The following CFAP20DC variants were observed in gnomAD, a reference collection of about 807,000 sequenced individuals.
The protein encoded by CFAP20DC is CFAP20 domain containing.
A neutral mutation model predicts 101.7 loss-of-function variants in CFAP20DC; 84 were observed. The observed-to-expected ratio is 0.83, with a 90% CI of 0.69 to 0.99. CFAP20DC has a LOEUF of 0.99. Ranked by LOEUF, CFAP20DC falls within the 50% of genes least tolerant of loss-of-function variation. The probability of loss-of-function intolerance (pLI) is 0.00; values close to 1 mark genes in which losing one functional copy is unlikely to be tolerated. For synonymous variants in CFAP20DC, 359 were observed against 351.2 expected, an observed-to-expected ratio of 1.02 and a Z score of -0.25; for missense variants, 1,007 against 970.3, an observed-to-expected ratio of 1.04 and a Z score of -0.50.
intron 13 of CFAP20DC, among the ~76,000 whole-genome samples, chr3:58,837,132 C>T (rs2076792633): frequency 6.6e-6 from 1 of 152,128 alleles, no homozygotes; most frequent in Admixed American, 6.5e-5. Context: ...AATACCGTTC[C>T]AAAGCATCAA....
rs919369147 is a variant in CFAP20DC, at chr3:58,795,438, G to A, written c.2237+10957C>T. On this transcript the variant is annotated intron_variant, in intron 15 of 16. Coordinates refer to ENST00000482387, the MANE Select transcript of CFAP20DC (RefSeq NM_001394063.1). This position sits in a 1 kb window ranked among gnomAD's most constrained non-coding sequence, Gnocchi z 4.2. ...GACGGTTGCTTGAGCCCAGGAGTAC[G>A]AGACCAGCTTGGGCAACAGGGCAAG... Among the ~76,000 whole-genome samples the A allele has an allele frequency of 2.0e-5, 3 of 152,236 alleles. No individual in the cohort carries two copies. The highest frequency in any genetic ancestry group is 6.5e-5 in the Admixed American group (1 of 15,298).
At chr3:58,959,301 T>A (rs551981412) in intron 4 of CFAP20DC, among the ~76,000 whole-genome samples, 108 of 152,248 alleles carry the variant, frequency 7.1e-4, no homozygotes, top group Non-Finnish European at 1.2e-3. Flanking sequence ...ACCATGTTGG[T>A]CAGGCTGGTC....
In CFAP20DC at chr3:58,721,514, C is replaced by T. The variant is rs745520958; in HGVS notation, c.198-3886G>A. Among the ~76,000 whole-genome samples the T allele has an allele frequency of 2.0e-5, 3 of 152,030 alleles. No homozygotes were observed. The highest frequency in any genetic ancestry group is 1.9e-4 in the East Asian group (1 of 5,190). On this transcript the variant is annotated intron_variant, in intron 3 of 3. Transcript: ENST00000486145. This position sits in a 1 kb window ranked among gnomAD's most constrained non-coding sequence, Gnocchi z 5.2. ...TATTTAAGCTGAGATCTGAAGGATA[C>T]GGGGGCATTAATACATGCAACAGGG...
intron 4 of CFAP20DC, among the ~76,000 whole-genome samples, chr3:59,019,305 T>C (rs1382127364): frequency 1.3e-5 from 2 of 152,038 alleles, no homozygotes; most frequent in African/African-American, 4.8e-5. Flanking sequence ...GTTGTTTCCT[T>C]TTCTCCTGAG....
intron 4 of CFAP20DC, among the ~76,000 whole-genome samples, chr3:58,966,269 AGAG>A (rs1308109458): frequency 2.0e-5 from 3 of 152,162 alleles, no homozygotes; most frequent in Non-Finnish European, 1.5e-5. Flanking sequence ...TTCTAAGAAC[AGAG>A]GCAGAGAGGA....
intron 4 of CFAP20DC, among the ~76,000 whole-genome samples, chr3:59,004,327 T>C (rs2093382067): frequency 6.6e-6 from 1 of 152,156 alleles, no homozygotes; most frequent in Non-Finnish European, 1.5e-5. Context: ...AAGAGACATA[T>C]TTTTCAACCA....
intron 4 of CFAP20DC, among the ~76,000 whole-genome samples, chr3:59,008,014 C>T (rs1487244688): frequency 1.3e-5 from 2 of 152,154 alleles, no homozygotes; most frequent in Admixed American, 1.3e-4. Context: ...GAGAAAGGGT[C>T]CTTGTTCCCC....
At chr3:58,958,623 A>C (rs1305131639) in intron 4 of CFAP20DC, among the ~76,000 whole-genome samples, 4 of 152,132 alleles carry the variant, frequency 2.6e-5, no homozygotes, top group Non-Finnish European at 5.9e-5. Context: ...CCAACACCTG[A>C]TATTATATTT....
intron 1 of CFAP20DC, among the ~76,000 whole-genome samples, chr3:59,048,382 G>T (rs1252686281): frequency 6.6e-6 from 1 of 152,156 alleles, no homozygotes; most frequent in Non-Finnish European, 1.5e-5. Flanking sequence ...CGTGCAAACT[G>T]TATATGGGAT....
intron 4 of CFAP20DC, among the ~76,000 whole-genome samples, chr3:59,010,224 T>C (rs1258079941): frequency 6.6e-6 from 1 of 152,068 alleles, no homozygotes; most frequent in Non-Finnish European, 1.5e-5. Flanking sequence ...TAACATTGAA[T>C]GTAACTTGCC....
At chr3:58,886,116 A>C (rs2081606103) in intron 6 of CFAP20DC, among the ~76,000 whole-genome samples, 1 of 152,192 alleles carries the variant, frequency 6.6e-6, no homozygotes, top group Non-Finnish European at 1.5e-5. Context: ...TATGTGTACC[A>C]AAGTCTTAAA....
chr3:58,946,449 T>C (rs558212627), intron 4 of CFAP20DC, among the ~76,000 whole-genome samples: 1 of 152,192 alleles, frequency 6.6e-6, no homozygotes, highest in Non-Finnish European at 1.5e-5. Context: ...ATTCTTCATG[T>C]GGACCAGCCA....
chr3:58,847,995 T>C (rs2077843786), intron 13 of CFAP20DC, among the ~76,000 whole-genome samples: 1 of 119,792 alleles, frequency 8.3e-6, no homozygotes, highest in South Asian at 3.4e-4. Context: ...GGAAGGGGAA[T>C]ATCACACTCT....
At chr3:58,877,874 AT>A (rs2080885870) in intron 7 of CFAP20DC, among the ~76,000 whole-genome samples, 3 of 152,196 alleles carry the variant, frequency 2.0e-5, no homozygotes, top group Non-Finnish European at 2.9e-5. Context: ...AATGGGGTTT[AT>A]GAGGAATCCA....
chr3:58,915,372 A>G (rs2084579118), intron 5 of CFAP20DC, among the ~76,000 whole-genome samples: 1 of 152,152 alleles, frequency 6.6e-6, no homozygotes, highest in South Asian at 2.1e-4. Context: ...GTTTCTAGAT[A>G]TCCAATCATA....
chr3:58,922,314 A>T (rs919033284), intron 5 of CFAP20DC, among the ~76,000 whole-genome samples: 1 of 152,146 alleles, frequency 6.6e-6, no homozygotes, highest in Non-Finnish European at 1.5e-5. Flanking sequence ...AACATTTTTT[A>T]GCATTCCGTT....
chr3:58,816,993 A>G (rs1340850305), intron 14 of CFAP20DC, among the ~76,000 whole-genome samples: 1 of 152,190 alleles, frequency 6.6e-6, no homozygotes, highest in Non-Finnish European at 1.5e-5. Flanking sequence ...CTGACCCCCG[A>G]GCAGCCTAAC....
chr3:58,953,432 T>G (rs572309919), intron 4 of CFAP20DC: 1 of 152,304 alleles, frequency 6.6e-6, no homozygotes, highest in South Asian at 2.1e-4. Context: ...CTGGAAGAAT[T>G]TCTAAATGAT....
At chr3:58,813,138 G>A (rs899450831) in intron 14 of CFAP20DC, among the ~76,000 whole-genome samples, 12 of 151,666 alleles carry the variant, frequency 7.9e-5, no homozygotes, top group Admixed American at 2.0e-4. Flanking sequence ...ACAACCTCAA[G>A]TACTGATCAA....
Sources: gnomAD v4.1 joint callset for allele counts (sites outside exome capture counted in the v4.1 genomes callset) on GRCh38, gnomAD v4.1.1 for gene constraint, Gnocchi (gnomAD v3.1) non-coding constraint, MANE v1.5 for transcripts, NCBI Gene and HGNC (gene_info 2026-07-23, HGNC 2026-07-21) for gene names.